The following KCNIP4 variants were observed in gnomAD, a reference collection of about 807,000 sequenced individuals.
KCNIP4 encodes Kv channel-interacting protein 4.
A neutral mutation model predicts 34.0 loss-of-function variants in KCNIP4; 12 were observed. The observed-to-expected ratio is 0.35, with a 90% CI of 0.23 to 0.57. The LOEUF is 0.57. KCNIP4 is among the 20% of genes least tolerant of loss of function. KCNIP4 has a pLI of 0.83. For missense variants in KCNIP4, 238 were observed against 311.7 expected, an observed-to-expected ratio of 0.76 and a Z score of 1.78; for synonymous variants, 124 against 102.2, an observed-to-expected ratio of 1.21 and a Z score of -1.29.
intron 1 of KCNIP4, among the ~76,000 whole-genome samples, chr4:21,233,215 G>A (rs190901511): frequency 4.6e-5 from 7 of 152,238 alleles, no homozygotes; most frequent in African/African-American, 1.4e-4. Context: ...TGGGATTTAA[G>A]TTGTCACTGA....
chr4:21,657,879 C>T (rs114290734), intron 1 of KCNIP4, among the ~76,000 whole-genome samples: 2,739 of 149,624 alleles, frequency 0.018, 38 homozygotes, highest in African/African-American at 0.034. Context: ...CTCGCTTTGT[C>T]GCCAGGCTGC....
intron 1 of KCNIP4, chr4:21,762,892 G>T: frequency 7.8e-7 from 1 of 1,276,738 alleles, no homozygotes; most frequent in African/African-American, 1.5e-5. Flanking sequence ...GGGGGGTGTA[G>T]GTGGATGGAA....
intron 1 of KCNIP4, among the ~76,000 whole-genome samples, chr4:21,636,845 G>A (rs369283670): frequency 5.9e-5 from 9 of 152,252 alleles, no homozygotes; most frequent in African/African-American, 2.2e-4. Flanking sequence ...AATAGCAACT[G>A]GGCAATTCGA....
intron 3 of KCNIP4, among the ~76,000 whole-genome samples, chr4:20,767,744 C>T (rs956695358): frequency 2.6e-5 from 4 of 152,102 alleles, no homozygotes; most frequent in Admixed American, 1.3e-4. Context: ...TATGTGTCTT[C>T]TCCTCAGGAT....
intron 1 of KCNIP4, among the ~76,000 whole-genome samples, chr4:21,352,978 C>T (rs748167367): frequency 4.1e-4 from 63 of 152,192 alleles, no homozygotes; most frequent in Non-Finnish European, 9.1e-4. Flanking sequence ...TGTTCTGTAG[C>T]CTCCTCTGGT....
intron 3 of KCNIP4, among the ~76,000 whole-genome samples, chr4:20,839,976 G>A (rs552317280): frequency 6.6e-6 from 1 of 152,190 alleles, no homozygotes; most frequent in East Asian, 1.9e-4. Context: ...TGTTGGGAAA[G>A]TGTCTACCAT....
chr4:20,776,720 G>A (rs1756402196), intron 3 of KCNIP4, among the ~76,000 whole-genome samples: 1 of 152,092 alleles, frequency 6.6e-6, no homozygotes, highest in Non-Finnish European at 1.5e-5. Context: ...CACTGTGCCA[G>A]GCACTGTCCA....
chr4:21,248,259 A>G (rs1319310973), intron 1 of KCNIP4, among the ~76,000 whole-genome samples: 2 of 151,902 alleles, frequency 1.3e-5, no homozygotes, highest in African/African-American at 4.8e-5. Flanking sequence ...TTCCAGAGAC[A>G]TCAACAGTAT....
At chr4:21,224,271 T>C (rs1305914013) in intron 1 of KCNIP4, among the ~76,000 whole-genome samples, 1 of 152,124 alleles carries the variant, frequency 6.6e-6, no homozygotes, top group Non-Finnish European at 1.5e-5. Flanking sequence ...TGGAAAATTC[T>C]GTGTCTGGTG....
intron 1 of KCNIP4, among the ~76,000 whole-genome samples, chr4:21,365,643 T>C (rs975344382): frequency 6.6e-6 from 1 of 152,178 alleles, no homozygotes; most frequent in African/African-American, 2.4e-5. Context: ...TGCAGTTTGT[T>C]TCTTATTCTA....
At chr4:20,751,366 T>G (rs1753595045) in intron 4 of KCNIP4, among the ~76,000 whole-genome samples, 1 of 152,106 alleles carries the variant, frequency 6.6e-6, no homozygotes, top group Non-Finnish European at 1.5e-5. Flanking sequence ...ACCATAAACT[T>G]AGTTCTGTTG....
intron 1 of KCNIP4, chr4:21,582,161 G>A (rs1454995828): frequency 6.6e-6 from 1 of 151,084 alleles, no homozygotes; most frequent in Admixed American, 6.6e-5. Context: ...ATTACAATTA[G>A]TATGTACATG....
intron 1 of KCNIP4, among the ~76,000 whole-genome samples, chr4:21,655,829 C>T (rs1190373718): frequency 6.6e-6 from 1 of 152,016 alleles, no homozygotes; most frequent in African/African-American, 2.4e-5. Context: ...AATTTTTGCC[C>T]CAAATGTGTT....
chr4:20,928,373 A>G (rs1730107088), intron 1 of KCNIP4, among the ~76,000 whole-genome samples: 2 of 151,966 alleles, frequency 1.3e-5, no homozygotes, highest in Non-Finnish European at 2.9e-5. Flanking sequence ...CTCCTGAATG[A>G]CCAATAAATT....
rs1012972553 is a variant in KCNIP4, at chr4:21,359,770, T to C, written c.62-477061A>G. ...ATGCAGTTGTAACCACACAGTGAAATAGTGTTCTTGGCAATCAAATTGGTC... is the reference window on the plus strand; with the variant it reads ...ATGCAGTTGTAACCACACAGTGAAACAGTGTTCTTGGCAATCAAATTGGTC... On this transcript the variant is annotated intron_variant, in intron 1 of 8. Coordinates refer to ENST00000382152, the MANE Select transcript of KCNIP4 (RefSeq NM_025221.6). 2.0e-5 allele frequency among the ~76,000 whole-genome samples: 3 copies of C among 152,234 alleles called. No individual in the cohort carries two copies. The South Asian group carries it at 6.2e-4, about 32-fold the overall frequency.
At chr4:20,735,672 G>A (rs1016900500) in intron 5 of KCNIP4, among the ~76,000 whole-genome samples, 1 of 151,930 alleles carries the variant, frequency 6.6e-6, no homozygotes, top group African/African-American at 2.4e-5. Flanking sequence ...GAGTAGCTGG[G>A]ACTACAGGCA....
intron 1 of KCNIP4, among the ~76,000 whole-genome samples, chr4:21,538,182 A>G (rs1737368859): frequency 6.6e-6 from 1 of 152,100 alleles, no homozygotes; most frequent in Non-Finnish European, 1.5e-5. Flanking sequence ...GAGATAAGAA[A>G]GGAGACTTCT....
chr4:21,447,462 C>A (rs1040791956), intron 1 of KCNIP4, among the ~76,000 whole-genome samples: 18 of 152,110 alleles, frequency 1.2e-4, no homozygotes, highest in African/African-American at 4.1e-4. Flanking sequence ...CAAGTATATG[C>A]TAATTTATCA....
chr4:20,791,183 A>T (rs73802334), intron 3 of KCNIP4, among the ~76,000 whole-genome samples: 4,874 of 152,288 alleles, frequency 0.032, 219 homozygotes, highest in African/African-American at 0.1. Context: ...AAGAATAAAA[A>T]TATCAAACTA....
Sources: gnomAD v4.1 joint callset for allele counts (sites outside exome capture counted in the v4.1 genomes callset) on GRCh38, gnomAD v4.1.1 for gene constraint, MANE v1.5 for transcripts, NCBI Gene and HGNC (gene_info 2026-07-23, HGNC 2026-07-21) for gene names.